RAB26: variants seen among roughly 807,000 people sequenced by gnomAD.
RAB26 encodes the protein ras-related protein Rab-26.
RAB26 carries 39 observed loss-of-function variants against 33.1 expected under a neutral mutation model. The ratio of observed to expected loss-of-function variants is 1.18; its 90% CI spans 0.91 to 1.54. The LOEUF is 1.54. Ranked by LOEUF, RAB26 falls within the 40% of genes most tolerant of loss-of-function variation. The pLI, the probability that RAB26 is intolerant of heterozygous loss-of-function variation, is 0.00. For synonymous variants in RAB26, 192 were observed against 151.9 expected, an observed-to-expected ratio of 1.26 and a Z score of -1.94; for missense variants, 468 against 362.9, an observed-to-expected ratio of 1.29 and a Z score of -2.35.
rs144980850 is a variant in RAB26 at position 2,151,731 on chromosome 16, G to T, written c.385G>T (p.Val129Phe). 6.2e-7 allele frequency: 1 copy of T among 1,613,972 alleles called. No homozygotes were observed. The highest frequency in any genetic ancestry group is 1.7e-5 in the Admixed American group (1 of 60,026). ...DTAGQERFRS[V>F]THAYYRDAHA... ...AGCTGGTCAGGAGCGGTTCCGCAGT[G>T]TTACCCATGCCTACTACCGGGATGC... Residue 129 changes from valine (V) to phenylalanine (F), a missense_variant, in exon 4 of 9, where the codon GTT (valine) becomes TTT (phenylalanine). Physicochemically the swap from Val to Phe is conservative, Grantham distance 50. Transcript: ENST00000210187.
intron 2 of RAB26, among the ~76,000 whole-genome samples, 195 bp downstream of exon 2, chr16:2,150,246 A>G (rs115901458): frequency 6.6e-6 from 1 of 152,304 alleles, no homozygotes; most frequent in African/African-American, 2.4e-5. Context: ...GGCTGGCATT[A>G]CCGAGGGACC....
At chr16:2,152,923 A>T in intron 6 of RAB26, 38 bp downstream of exon 6, 1 of 1,590,584 alleles carries the variant, frequency 6.3e-7, no homozygotes, top group Admixed American at 1.8e-5. Flanking sequence ...GCCACAGGGC[A>T]GGGCAGGTGA....
In RAB26 at chr16:2,151,716, G is replaced by A. The variant is rs1289401748; in HGVS notation, c.370G>A (p.Glu124Lys). The A allele has an allele frequency of 1.2e-6, 2 of 1,613,998 alleles. No individual in the cohort carries two copies. Among genetic ancestry groups the A allele is most frequent in the Non-Finnish European group, 1.7e-6 (2 of 1,180,030 alleles). Residue 124 changes from glutamate to lysine, a missense_variant, in exon 4 of 9, where the codon GAG becomes AAG. Transcript: ENST00000210187. ...GCAGATGTGGGACACAGCTGGTCAG[G>A]AGCGGTTCCGCAGTGTTACCCATGC... Reference protein sequence around the residue: ...KLQMWDTAGQERFRSVTHAYY... With the variant: ...KLQMWDTAGQKRFRSVTHAYY...
In RAB26 at chr16:2,148,657, C is replaced by CCGT; in HGVS notation, c.-125_-124insTCG. The stretch of plus-strand genomic sequence containing the variant: ...CCGGGCGCCCGGGATGATGCCGCCG[C>CCGT]CGCCGCCGCCGCCGCCGCCGCCGCC... On this transcript the variant is annotated 5_prime_UTR_variant, in exon 1 of 9. Transcript: ENST00000210187. The CCGT allele has an allele frequency of 1.2e-6, 1 of 808,580 alleles. No homozygotes were observed. The highest frequency in any genetic ancestry group is 1.5e-6 in the Non-Finnish European group (1 of 648,292). 50.1% of individuals were successfully genotyped at this position (808,580 alleles called of 1,614,324 possible). A position where few individuals can be genotyped will look rare whatever the true frequency, so the allele number is the denominator to read the frequency against.
In RAB26 at chr16:2,151,011, G is replaced by A. The variant is rs575077763; in HGVS notation, c.307-558G>A. The A allele has an allele frequency of 1.4e-4, 47 of 328,274 alleles. No homozygotes were observed. The Admixed American group carries it at 1.6e-3, about 11-fold the overall frequency. The allele number at this position is 328,274 out of a possible 1,614,324, so 20.3% of individuals were successfully genotyped here. A position where few individuals can be genotyped will look rare whatever the true frequency, so the allele number is the denominator to read the frequency against. On this transcript the variant is annotated intron_variant, in intron 2 of 8. Coordinates refer to ENST00000210187, the MANE Select transcript of RAB26 (RefSeq NM_014353.5). ...GTCTAATCGTTAACTGGGAGGGCCC[G>A]GCTGGGGACGCTGCCAGGCAGTTCT...
chr16:2,148,889 TC>T lies in RAB26; in HGVS notation c.108del (p.Gly37AlafsTer61). The stretch of plus-strand genomic sequence containing the variant: ...ACCGGCGCGCTCCGGGACTGCGCTT[TC>T]CGGCCCCGACGCGCCGCCCAACGGG... ...ARPARSGTAL[S>X]GPDAPPNGPL... On this transcript the variant is annotated frameshift_variant, in exon 1 of 9. Transcript: ENST00000210187. LOFTEE classifies it high-confidence loss of function. The T allele has an allele frequency of 7.4e-7, 1 of 1,358,998 alleles. No homozygotes were observed. The highest frequency in any genetic ancestry group is 9.5e-7 in the Non-Finnish European group (1 of 1,052,982). The allele number at this position is 1,358,998 out of a possible 1,614,324, so 84.2% of individuals were successfully genotyped here. A position where few individuals can be genotyped will look rare whatever the true frequency, so the allele number is the denominator to read the frequency against.
rs969095109 is a variant in RAB26 at position 2,153,606 on chromosome 16, A to G, written c.*185A>G. 3 of 669,222 alleles carry G rather than the reference A, an allele frequency of 4.5e-6. No homozygotes were observed. Among genetic ancestry groups the G allele is most frequent in the Non-Finnish European group, 8.0e-6 (3 of 375,828 alleles). 41.5% of individuals were successfully genotyped at this position (669,222 alleles called of 1,614,324 possible). A position where few individuals can be genotyped will look rare whatever the true frequency, so the allele number is the denominator to read the frequency against. On this transcript the variant is annotated 3_prime_UTR_variant, in exon 9 of 9. Transcript: ENST00000210187. Reference sequence around the variant, plus strand: ...CAGTCCCAACAAGCAGGCTTCTGAGAGCCCGTGGCCGCACACTGGCCGCCA... The same window carrying G: ...CAGTCCCAACAAGCAGGCTTCTGAGGGCCCGTGGCCGCACACTGGCCGCCA...
Position 2,153,597 on chromosome 16 carries a change from G to A in RAB26, c.*176G>A. On this transcript the variant is annotated 3_prime_UTR_variant, in exon 9 of 9. Transcript: ENST00000210187. ...TCCCAGCAACAGTCCCAACAAGCAG[G>A]CTTCTGAGAGCCCGTGGCCGCACAC... The A allele has an allele frequency of 1.5e-6, 1 of 671,506 alleles. No individual in the cohort carries two copies. Among genetic ancestry groups the A allele is most frequent in the Non-Finnish European group, 2.6e-6 (1 of 379,682 alleles). 41.6% of individuals were successfully genotyped at this position (671,506 alleles called of 1,614,324 possible). A position where few individuals can be genotyped will look rare whatever the true frequency, so the allele number is the denominator to read the frequency against.
At chr16:2,149,908 C>A in intron 1 of RAB26, 33 bp from the exon 2 acceptor site, 2 of 1,479,922 alleles carry the variant, frequency 1.4e-6, no homozygotes, top group Non-Finnish European at 1.8e-6. Flanking sequence ...TCAGGGCAGA[C>A]CAGACTCCCC....
chr16:2,150,469 C>T (rs1298160672), intron 2 of RAB26, among the ~76,000 whole-genome samples: 1 of 151,774 alleles, frequency 6.6e-6, no homozygotes, highest in Non-Finnish European at 1.5e-5. Flanking sequence ...GAGCGCCCAC[C>T]CCCACCCCCA....
chr16:2,153,466 G>A lies in RAB26; in HGVS notation c.*45G>A, dbSNP rs755151009. ...TCTGGAGGAAGCCGTCCAGTCCCTA[G>A]AAGGCTGGACAGAGGGTCTCCAGGC... On this transcript the variant is annotated 3_prime_UTR_variant, in exon 9 of 9. Transcript: ENST00000210187. 23 of 1,580,800 alleles carry A rather than the reference G, an allele frequency of 1.5e-5. No individual in the cohort carries two copies. The African/African-American group carries it at 2.3e-4, about 16-fold the overall frequency.
intron 5 of RAB26, 89 bp downstream of exon 5, chr16:2,151,997 A>G: frequency 6.5e-7 from 1 of 1,531,876 alleles, no homozygotes. Flanking sequence ...AGGGTTCCAA[A>G]GGACCCCGCT....
rs199749223 is a variant in RAB26, at chr16:2,153,008, G to C, written c.554G>C (p.Arg185Pro). The change falls in exon 7 of 9, where the codon CGT becomes CCT. Residue 185 changes from arginine (R) to proline (P), a missense_variant. Physicochemically the swap from Arg to Pro is moderately radical, Grantham distance 103. Coordinates refer to ENST00000210187, the MANE Select transcript of RAB26 (RefSeq NM_014353.5). ...GGCCAGGTGGACTCTGCCCATGAGC[G>C]TGTGGTGAAGAGGGAGGACGGGGAG... ...LGNKVDSAHE[R>P]VVKREDGEKL... is the part of the protein sequence containing the mutation. The C allele has an allele frequency of 6.3e-7, 1 of 1,596,758 alleles. No homozygotes were observed. The highest frequency in any genetic ancestry group is 1.3e-5 in the African/African-American group (1 of 74,746).
rs1351551434 is a variant in RAB26, at chr16:2,153,006, G to A, written c.552G>A (p.Glu184=). The A allele has an allele frequency of 3.8e-6, 6 of 1,596,376 alleles. No individual in the cohort carries two copies. In the South Asian group the frequency reaches 6.7e-5, roughly 18 times the overall value. ...TGGGCCAGGTGGACTCTGCCCATGA[G>A]CGTGTGGTGAAGAGGGAGGACGGGG... ...LLGNKVDSAH[E]RVVKREDGEK... The change falls in exon 7 of 9, where the codon GAG becomes GAA. Residue 184 remains glutamate (E), a synonymous_variant. Transcript: ENST00000210187.
chr16:2,150,477 C>A (rs2093001302), intron 2 of RAB26, among the ~76,000 whole-genome samples: 1 of 151,976 alleles, frequency 6.6e-6, no homozygotes, highest in South Asian at 2.1e-4. Context: ...ACCCCCACCC[C>A]CACCAGCTGG....
intron 1 of RAB26, among the ~76,000 whole-genome samples, chr16:2,149,196 C>T (rs897125350): frequency 1.3e-5 from 2 of 152,154 alleles, no homozygotes; most frequent in Non-Finnish European, 2.9e-5. Context: ...CCCCACCCCC[C>T]AGGCGGCATG....
chr16:2,152,841 G>C lies in RAB26; in HGVS notation c.490G>C (p.Glu164Gln). Reference protein sequence around the residue: ...NIQAWLTEIHEYAQHDVALML... With the variant: ...NIQAWLTEIHQYAQHDVALML... ...ACAGGCCTGGCTGACCGAGATCCACGAGTACGCCCAGCACGACGTGGCGCT... is the reference window on the plus strand; with the variant it reads ...ACAGGCCTGGCTGACCGAGATCCACCAGTACGCCCAGCACGACGTGGCGCT... The change falls in exon 6 of 9, where the codon GAG becomes CAG. Residue 164 changes from glutamate to glutamine, a missense_variant. Transcript: ENST00000210187. 6.2e-7 allele frequency: 1 copy of C among 1,607,750 alleles called. No individual in the cohort carries two copies. Among genetic ancestry groups the C allele is most frequent in the Non-Finnish European group, 8.5e-7 (1 of 1,178,010 alleles).
rs556486339 is a variant in RAB26, at chr16:2,154,009, C to T, written c.*588C>T. ...AAATCACAGAAAACACCAGAAACAA[C>T]AACTGCCAGCCCGGCCTGGCCACAG... is the stretch of plus-strand genomic sequence containing the variant. On this transcript the variant is annotated 3_prime_UTR_variant, in exon 9 of 9. Coordinates refer to ENST00000210187, the MANE Select transcript of RAB26 (RefSeq NM_014353.5). 8.3e-6 allele frequency: 3 copies of T among 361,570 alleles called. No individual in the cohort carries two copies. The highest frequency in any genetic ancestry group is 6.4e-5 in the African/African-American group (3 of 47,224). The allele number at this position is 361,570 out of a possible 1,614,324, so 22.4% of individuals were successfully genotyped here.
At chr16:2,149,887 A>T in intron 1 of RAB26, 54 bp from the exon 2 acceptor site, 1 of 1,380,516 alleles carries the variant, frequency 7.2e-7, no homozygotes, top group Non-Finnish European at 9.6e-7. Flanking sequence ...CCCCCTTCTG[A>T]CCAGGCCAGC....
Sources: allele counts gnomAD v4.1 joint callset (sites outside exome capture counted in the v4.1 genomes callset), GRCh38; gene constraint gnomAD v4.1.1; transcripts MANE v1.5; gene names NCBI Gene and HGNC (gene_info 2026-07-23, HGNC 2026-07-21).